BCAS3: variants seen among roughly 807,000 people sequenced by gnomAD.
BCAS3 encodes the protein BCAS3 microtubule associated cell migration factor.
A neutral mutation model predicts 116.1 loss-of-function variants in BCAS3; 53 were observed. The observed-to-expected ratio is 0.46, with a 90% CI of 0.37 to 0.57. The LOEUF is 0.57. Ranked by LOEUF, BCAS3 falls within the 20% of genes least tolerant of loss-of-function variation. BCAS3 has a pLI of 0.00. For synonymous variants in BCAS3, 391 were observed against 408.2 expected, an observed-to-expected ratio of 0.96 and a Z score of 0.51; for missense variants, 917 against 1,165.4, an observed-to-expected ratio of 0.79 and a Z score of 3.10.
intron 22 of BCAS3, among the ~76,000 whole-genome samples, chr17:61,127,590 G>A (rs1316270564): frequency 6.6e-6 from 1 of 150,696 alleles, no homozygotes. Flanking sequence ...GACAGTACAA[G>A]GTTTAGAACA....
chr17:61,275,527 G>T (rs1009009819), intron 22 of BCAS3, among the ~76,000 whole-genome samples: 2 of 152,098 alleles, frequency 1.3e-5, no homozygotes, highest in Non-Finnish European at 2.9e-5. Flanking sequence ...TCTCAGCCAG[G>T]ATCTCACCTT....
At chr17:61,193,690 G>T (rs1244818135) in intron 22 of BCAS3, among the ~76,000 whole-genome samples, 2 of 146,066 alleles carry the variant, frequency 1.4e-5, no homozygotes, top group Non-Finnish European at 3.0e-5. Context: ...CCGGGAGGTG[G>T]AGGTTGCTGT....
chr17:60,905,393 G>A (rs938703477), intron 11 of BCAS3, among the ~76,000 whole-genome samples: 2 of 152,174 alleles, frequency 1.3e-5, no homozygotes, highest in Non-Finnish European at 2.9e-5. Context: ...AAAAGTATTT[G>A]ATAAAATTGA....
rs544743444 is a variant in BCAS3, at chr17:61,313,064, G to A, written c.2426-55263G>A. ...ACCTCGTTGATCGCCTCAAAATCCC[G>A]TGAGGTTTTTAATCACTGACTCAGT... On this transcript the variant is annotated intron_variant, in intron 22 of 23. Coordinates refer to ENST00000407086, the MANE Select transcript of BCAS3 (RefSeq NM_017679.5). This position sits in a 1 kb window ranked among gnomAD's most constrained non-coding sequence, Gnocchi z 4.3. Among the ~76,000 whole-genome samples the A allele has an allele frequency of 1.2e-4, 18 of 152,296 alleles. No individual in the cohort carries two copies. Among genetic ancestry groups the A allele is most frequent in the African/African-American group, 4.1e-4 (17 of 41,550 alleles).
At chr17:60,874,782 A>G (rs1442375571) in intron 9 of BCAS3, 44 bp downstream of exon 9, 1 of 1,252,726 alleles carries the variant, frequency 8.0e-7, no homozygotes, top group Non-Finnish European at 1.1e-6. Flanking sequence ...TTGGGTTTAT[A>G]CTACTTACTT....
chr17:61,380,242 C>T lies in BCAS3; in HGVS notation c.2594-11735C>T. 2 of 509,000 alleles carry T rather than the reference C, an allele frequency of 3.9e-6. No individual in the cohort carries two copies. The highest frequency in any genetic ancestry group is 7.1e-6 in the Non-Finnish European group (2 of 281,812). The allele number at this position is 509,000 out of a possible 1,614,324, so 31.5% of individuals were successfully genotyped here. On this transcript the variant is annotated intron_variant, in intron 23 of 23. Transcript: ENST00000407086. The surrounding 1 kb of genome is among the most constrained non-coding windows in gnomAD (Gnocchi z 4.2). ...CTCTACATCATTCCCTACCCCAGCC[C>T]TGTGCAGCAGGCAGGAGTGTAGGAA... is the stretch of plus-strand genomic sequence containing the variant.
At chr17:60,810,373 G>T (rs571695189) in intron 7 of BCAS3, 2 of 449,824 alleles carry the variant, frequency 4.4e-6, no homozygotes, top group East Asian at 5.2e-5. Flanking sequence ...GATGGCGGGG[G>T]GTCTGGCAGG....
chr17:60,694,193 T>G (rs2035270918), intron 4 of BCAS3, among the ~76,000 whole-genome samples: 1 of 149,280 alleles, frequency 6.7e-6, no homozygotes, highest in South Asian at 2.1e-4. Flanking sequence ...GCCAAACATT[T>G]TAATTTTTAA....
intron 6 of BCAS3, among the ~76,000 whole-genome samples, chr17:60,786,320 C>T (rs1244500755): frequency 1.3e-5 from 2 of 151,968 alleles, no homozygotes; most frequent in Non-Finnish European, 2.9e-5. Context: ...CGGCTTTTAG[C>T]ACCTAATTCT....
rs1191467797 is a variant in BCAS3 at position 61,302,952 on chromosome 17, C to T, written c.2426-65375C>T. 6.6e-6 allele frequency among the ~76,000 whole-genome samples: 1 copy of T among 152,136 alleles called. No individual in the cohort carries two copies. Among genetic ancestry groups the T allele is most frequent in the Non-Finnish European group, 1.5e-5 (1 of 68,032 alleles). On this transcript the variant is annotated intron_variant, in intron 22 of 23. Coordinates refer to ENST00000407086, the MANE Select transcript of BCAS3 (RefSeq NM_017679.5). This position sits in a 1 kb window ranked among gnomAD's most constrained non-coding sequence, Gnocchi z 4.4. ...TCCCTTCCAGTGCCATCTGACCATC[C>T]ATGGCTCTAGGATATTCAAAGCAAA...
rs985118721 is a variant in BCAS3, at chr17:61,217,823, C to T, written c.2425+133259C>T. Among the ~76,000 whole-genome samples the T allele has an allele frequency of 6.6e-6, 1 of 152,140 alleles. No homozygotes were observed. The highest frequency in any genetic ancestry group is 1.5e-5 in the Non-Finnish European group (1 of 68,022). The stretch of plus-strand genomic sequence containing the variant: ...TAAAAGTAATTTTTTACAGAAATTC[C>T]TAGCGCCAAGCACAAAATAAACTAG... On this transcript the variant is annotated intron_variant, in intron 22 of 23. Transcript: ENST00000407086. This position sits in a 1 kb window ranked among gnomAD's most constrained non-coding sequence, Gnocchi z 5.2.
intron 22 of BCAS3, among the ~76,000 whole-genome samples, chr17:61,091,163 C>G (rs2073531267): frequency 6.6e-6 from 1 of 152,174 alleles, no homozygotes; most frequent in Non-Finnish European, 1.5e-5. Context: ...TAAAACCTTG[C>G]CTATGCTTTC....
At chr17:60,805,311 C>T (rs1374627615) in intron 6 of BCAS3, among the ~76,000 whole-genome samples, 3 of 152,126 alleles carry the variant, frequency 2.0e-5, no homozygotes, top group Non-Finnish European at 2.9e-5. Flanking sequence ...GATATCATAT[C>T]AGTTTATTGG....
At chr17:61,283,325 A>G (rs79732185) in intron 22 of BCAS3, among the ~76,000 whole-genome samples, 2,987 of 152,264 alleles carry the variant, frequency 0.02, 90 homozygotes, top group African/African-American at 0.067. Context: ...TAAGTACTTT[A>G]TGTTACGTTT....
At chr17:60,708,342 A>C (rs1309660217) in intron 4 of BCAS3, among the ~76,000 whole-genome samples, 1 of 145,158 alleles carries the variant, frequency 6.9e-6, no homozygotes, top group Non-Finnish European at 1.5e-5. Flanking sequence ...AAAAAAAAAA[A>C]AGTTTGTGGA....
Position 61,126,548 on chromosome 17 carries a change from G to A in BCAS3, c.2425+41984G>A, listed in dbSNP as rs879815251. 2.6e-5 allele frequency among the ~76,000 whole-genome samples: 4 copies of A among 152,134 alleles called. No homozygotes were observed. Among genetic ancestry groups the A allele is most frequent in the Non-Finnish European group, 5.9e-5 (4 of 68,014 alleles). Reference sequence around the variant, plus strand: ...GATTATGTCTGTTTTATAAAGATGTGTTTATATAGTCATTGGGTGAAAGAT... The same window carrying A: ...GATTATGTCTGTTTTATAAAGATGTATTTATATAGTCATTGGGTGAAAGAT... On this transcript the variant is annotated intron_variant, in intron 22 of 23. Coordinates refer to ENST00000407086, the MANE Select transcript of BCAS3 (RefSeq NM_017679.5). The surrounding 1 kb of genome is among the most constrained non-coding windows in gnomAD (Gnocchi z 4.6).
intron 22 of BCAS3, among the ~76,000 whole-genome samples, chr17:61,294,874 G>A (rs2052746393): frequency 6.6e-6 from 1 of 152,150 alleles, no homozygotes; most frequent in Non-Finnish European, 1.5e-5. Flanking sequence ...CTACTCTTGA[G>A]ATCTTTGCCC....
chr17:60,802,295 A>ATATATATATAT (rs1555724577), intron 6 of BCAS3, among the ~76,000 whole-genome samples: 1 of 127,946 alleles, frequency 7.8e-6, no homozygotes, highest in Non-Finnish European at 1.5e-5. Flanking sequence ...AAAAAAAAAA[A>ATATATATATAT]ATATATATAT....
At chr17:61,212,559 A>T (rs8075551) in intron 22 of BCAS3, among the ~76,000 whole-genome samples, 146,663 of 149,962 alleles carry the variant, frequency 0.98, 71,734 homozygotes, top group Non-Finnish European at 0.99. Flanking sequence ...TATATATATA[A>T]AAACTATATT....
Sources: gnomAD v4.1 joint callset for allele counts (sites outside exome capture counted in the v4.1 genomes callset) on GRCh38, gnomAD v4.1.1 for gene constraint, Gnocchi (gnomAD v3.1) non-coding constraint, MANE v1.5 for transcripts, NCBI Gene and HGNC (gene_info 2026-07-23, HGNC 2026-07-21) for gene names.